ZFHX3: variants seen among roughly 807,000 people sequenced by gnomAD.
The protein encoded by ZFHX3 is zinc finger homeobox protein 3.
In ZFHX3, 42 loss-of-function variants were observed where a neutral mutation model predicts 279.1. The observed-to-expected ratio is 0.15, with a 90% confidence interval of 0.12 to 0.19. ZFHX3 has a LOEUF of 0.19. Among genes scored for constraint, ZFHX3 ranks in the 10% least tolerant of loss-of-function variants. ZFHX3 has a pLI of 1.00. For missense variants in ZFHX3, 4,981 were observed against 4,754.0 expected, an observed-to-expected ratio of 1.05 and a Z score of -1.40; for synonymous variants, 2,293 against 1,957.8, an observed-to-expected ratio of 1.17 and a Z score of -4.52.
chr16:73,879,556 G>T (rs1240208219), intron 1 of ZFHX3, among the ~76,000 whole-genome samples: 2 of 152,094 alleles, frequency 1.3e-5, no homozygotes, highest in African/African-American at 4.8e-5. Flanking sequence ...CTCTCTAGAT[G>T]AAGCAATTCC....
chr16:73,499,056 C>T (rs1012884801), intron 2 of ZFHX3, among the ~76,000 whole-genome samples: 2 of 152,128 alleles, frequency 1.3e-5, no homozygotes, highest in Non-Finnish European at 2.9e-5. Context: ...AACTACAGAA[C>T]AAGTTTATCC....
In ZFHX3 at chr16:73,607,867, C is replaced by T. The variant is rs2052206705; in HGVS notation, c.-1547+72313G>A. On this transcript the variant is annotated intron_variant, in intron 2 of 17. Transcript: ENST00000641206. ...GATGGATCCCTTGAGCCCAGGAGTT[C>T]GAGACCAGCCTAGGCAACATGGCAA... Among the ~76,000 whole-genome samples, 2 of 152,014 alleles carry T rather than the reference C, an allele frequency of 1.3e-5. 1 individual carries two copies. Among genetic ancestry groups the T allele is most frequent in the South Asian group, 4.1e-4 (2 of 4,820 alleles).
At chr16:73,340,050 G>A (rs7197413) in intron 3 of ZFHX3, among the ~76,000 whole-genome samples, 56,283 of 152,064 alleles carry the variant, frequency 0.37, 11,811 homozygotes, top group Non-Finnish European at 0.47. Context: ...ACAGCTCAGA[G>A]GGAGGTGAGC....
chr16:72,800,432 G>A (rs1359084147), intron 7 of ZFHX3, among the ~76,000 whole-genome samples: 9 of 152,200 alleles, frequency 5.9e-5, no homozygotes. Flanking sequence ...CATGGGCTGT[G>A]AAACTTCTTG....
At chr16:72,926,903 G>A (rs1474919019) in intron 3 of ZFHX3, among the ~76,000 whole-genome samples, 2 of 152,128 alleles carry the variant, frequency 1.3e-5, no homozygotes, top group Non-Finnish European at 2.9e-5. Flanking sequence ...ACACACAAAG[G>A]ATTACCAAGA....
At chr16:73,242,379 T>C (rs2013149667) in intron 5 of ZFHX3, among the ~76,000 whole-genome samples, 1 of 152,158 alleles carries the variant, frequency 6.6e-6, no homozygotes. Flanking sequence ...ATTAGCCTGG[T>C]AACTACTGCT....
At chr16:73,510,215 C>T (rs2019405263) in intron 2 of ZFHX3, among the ~76,000 whole-genome samples, 1 of 152,114 alleles carries the variant, frequency 6.6e-6, no homozygotes, top group Non-Finnish European at 1.5e-5. Context: ...CTAATTCTGC[C>T]CATAGCATTA....
chr16:73,223,442 T>C (rs372378534), intron 5 of ZFHX3, among the ~76,000 whole-genome samples: 13 of 152,222 alleles, frequency 8.5e-5, no homozygotes, highest in African/African-American at 2.2e-4. Flanking sequence ...AGAAGATATA[T>C]AGATGGTAAA....
chr16:73,045,649 T>C (rs977402463), intron 1 of ZFHX3, among the ~76,000 whole-genome samples: 2 of 112,644 alleles, frequency 1.8e-5, no homozygotes, highest in African/African-American at 1.2e-4. Flanking sequence ...ACATTATTAT[T>C]ATTATTATTA....
intron 3 of ZFHX3, among the ~76,000 whole-genome samples, chr16:72,896,026 A>T (rs1335512547): frequency 6.6e-6 from 1 of 152,190 alleles, no homozygotes; most frequent in African/African-American, 2.4e-5. Context: ...AATCTTGGAG[A>T]AGTATGATGA....
chr16:72,880,537 G>A (rs886715293), intron 4 of ZFHX3, among the ~76,000 whole-genome samples: 5 of 152,130 alleles, frequency 3.3e-5, no homozygotes, highest in Non-Finnish European at 4.4e-5. Flanking sequence ...AACCTTTAGC[G>A]TCCAGAACTG....
chr16:73,286,395 A>G (rs1241612135), intron 4 of ZFHX3, among the ~76,000 whole-genome samples: 1 of 152,258 alleles, frequency 6.6e-6, no homozygotes, highest in African/African-American at 2.4e-5. Flanking sequence ...TGGCTCTGTG[A>G]ACCCCAGTCA....
chr16:73,400,226 C>T (rs985515675), intron 3 of ZFHX3: 1 of 152,218 alleles, frequency 6.6e-6, no homozygotes, highest in Non-Finnish European at 1.5e-5. Flanking sequence ...GCCTTCCTTA[C>T]TTCCCATTCT....
At chr16:73,385,725 A>G (rs1311225922) in intron 3 of ZFHX3, among the ~76,000 whole-genome samples, 1 of 152,160 alleles carries the variant, frequency 6.6e-6, no homozygotes, top group Non-Finnish European at 1.5e-5. Flanking sequence ...AGTGCCCCCC[A>G]CTGCTTACAG....
At chr16:73,481,958 A>C (rs1273542257) in intron 2 of ZFHX3, among the ~76,000 whole-genome samples, 1 of 152,210 alleles carries the variant, frequency 6.6e-6, no homozygotes, top group Non-Finnish European at 1.5e-5. Context: ...TAGCCAATAA[A>C]TCAAGTCCAG....
At chr16:73,869,552 A>T (rs529845685) in intron 1 of ZFHX3, among the ~76,000 whole-genome samples, 6 of 152,390 alleles carry the variant, frequency 3.9e-5, no homozygotes, top group Admixed American at 2.0e-4. Flanking sequence ...AAAACGCAGG[A>T]TATACATACA....
At chr16:73,278,916 G>A (rs530208738) in intron 4 of ZFHX3, among the ~76,000 whole-genome samples, 8 of 152,188 alleles carry the variant, frequency 5.3e-5, no homozygotes, top group Admixed American at 2.0e-4. Flanking sequence ...GTCCCCTCTC[G>A]ACCCAGGAAG....
chr16:73,405,681 G>A lies in ZFHX3; in HGVS notation c.-1291+50322C>T, dbSNP rs1175913035. Reference sequence around the variant, plus strand: ...ACATCACGTATGTAATGTAATGACAGCTTCAGACTAGGGATGCTTTTGATG... The same window carrying A: ...ACATCACGTATGTAATGTAATGACAACTTCAGACTAGGGATGCTTTTGATG... On this transcript the variant is annotated intron_variant, in intron 3 of 17. Coordinates refer to the ZFHX3 transcript ENST00000641206. 5.9e-5 allele frequency among the ~76,000 whole-genome samples: 9 copies of A among 152,146 alleles called. No individual in the cohort carries two copies. The East Asian group carries it at 1.7e-3, about 29-fold the overall frequency.
Position 72,909,877 on chromosome 16 carries a change from CAAAAAAA to C in ZFHX3, c.3217-19922_3217-19916del, listed in dbSNP as rs66982395. On this transcript the variant is annotated intron_variant, in intron 3 of 9. Transcript: ENST00000268489. ...TGGGTGACAAAGTGACACCGTGTCT[CAAAAAAA>C]AAAAAAAAAAAAAAAATTAAAAAGC... is the stretch of plus-strand genomic sequence containing the variant. Among the ~76,000 whole-genome samples, 12 of 82,308 alleles carry C rather than the reference CAAAAAAA, an allele frequency of 1.5e-4. No homozygotes were observed. In the South Asian group the frequency reaches 3.6e-3, roughly 25 times the overall value. 54.0% of individuals were successfully genotyped at this position (82,308 alleles called of 152,430 possible).
Sources: allele counts gnomAD v4.1 joint callset (sites outside exome capture counted in the v4.1 genomes callset), GRCh38; gene constraint gnomAD v4.1.1; transcripts MANE v1.5; gene names NCBI Gene and HGNC (gene_info 2026-07-23, HGNC 2026-07-21).